The following ITGB5 variants were observed in gnomAD, a reference collection of about 807,000 sequenced individuals.
The protein encoded by ITGB5 is integrin subunit beta 5.
In ITGB5, 38 loss-of-function variants were observed where a neutral mutation model predicts 84.8. That is an observed-to-expected ratio of 0.45 (90% CI 0.35 to 0.59). ITGB5 has a LOEUF of 0.59. Ranked by LOEUF, ITGB5 falls within the 20% of genes least tolerant of loss-of-function variation. ITGB5 has a pLI of 0.01. For synonymous variants in ITGB5, 393 were observed against 414.4 expected (o/e 0.95, Z 0.63); for missense variants, 905 against 1,034.5 (o/e 0.87, Z 1.72).
chr3:124,851,637 A>ACG (rs2065157186), intron 3 of ITGB5, among the ~76,000 whole-genome samples: 3 of 151,660 alleles, frequency 2.0e-5, no homozygotes, highest in Admixed American at 6.6e-5. Context: ...ACACACACAC[A>ACG]CACACGCACA....
intron 5 of ITGB5, among the ~76,000 whole-genome samples, chr3:124,839,198 G>A (rs1212020936): frequency 6.6e-6 from 1 of 152,166 alleles, no homozygotes; most frequent in South Asian, 2.1e-4. Flanking sequence ...TCGTGGTGAG[G>A]AATAAAGAGC....
At chr3:124,795,638 A>G (rs951456750) in intron 10 of ITGB5, among the ~76,000 whole-genome samples, 2 of 152,042 alleles carry the variant, frequency 1.3e-5, no homozygotes, top group African/African-American at 2.4e-5. Context: ...GGATGGGGAG[A>G]CTTTCCAGGG....
intron 1 of ITGB5, among the ~76,000 whole-genome samples, chr3:124,886,612 G>A (rs957877026): frequency 1.3e-5 from 2 of 152,040 alleles, no homozygotes; most frequent in African/African-American, 2.4e-5. Context: ...CGGGCCCCAA[G>A]GCAGGGCTGG....
chr3:124,828,108 G>A (rs927757566), intron 5 of ITGB5, among the ~76,000 whole-genome samples: 1 of 152,102 alleles, frequency 6.6e-6, no homozygotes, highest in African/African-American at 2.4e-5. Flanking sequence ...ACAGGGACGT[G>A]CGTGAAACTT....
chr3:124,853,094 A>C (rs2065178709), intron 3 of ITGB5, among the ~76,000 whole-genome samples: 1 of 152,162 alleles, frequency 6.6e-6, no homozygotes, highest in African/African-American at 2.4e-5. Context: ...CAAAGTGTTA[A>C]GACAAAGTAG....
chr3:124,791,256 C>G (rs1036234770), intron 10 of ITGB5: 2 of 152,240 alleles, frequency 1.3e-5, no homozygotes, highest in Non-Finnish European at 2.9e-5. Context: ...CTCGCACACA[C>G]AGAAACAGTC....
At chr3:124,797,774 G>T (rs1434741818) in intron 9 of ITGB5, among the ~76,000 whole-genome samples, 1 of 152,092 alleles carries the variant, frequency 6.6e-6, no homozygotes. Flanking sequence ...CACCCATCAG[G>T]GCCCTGAGAG....
chr3:124,831,034 T>C (rs536060034), intron 5 of ITGB5, among the ~76,000 whole-genome samples: 2 of 152,220 alleles, frequency 1.3e-5, no homozygotes, highest in South Asian at 4.2e-4. Context: ...CTTCCTTACA[T>C]TGGACTCCAA....
chr3:124,817,159 C>T lies in ITGB5; in HGVS notation c.1128+462G>A, dbSNP rs570430767. Among the ~76,000 whole-genome samples, 350 of 152,344 alleles carry T rather than the reference C, an allele frequency of 2.3e-3. 1 individual carries two copies. The highest frequency in any genetic ancestry group is 8.1e-3 in the African/African-American group (337 of 41,576). ...GAGCTCCATGAGCCTGAGGGATTCC[C>T]GCCCTGCCACTGTGAGGTGAGCTCA... On this transcript the variant is annotated intron_variant, in intron 8 of 14. Transcript: ENST00000296181.
upstream of ITGB5, among the ~76,000 whole-genome samples, chr3:124,890,514 T>A (rs1934979921): frequency 6.6e-6 from 1 of 152,202 alleles, no homozygotes; most frequent in African/African-American, 2.4e-5. Context: ...TAGCATTCTT[T>A]AAGCCTAGGC....
chr3:124,817,590 G>A (rs1311771749), intron 8 of ITGB5, 31 bp downstream of exon 8: 2 of 1,208,926 alleles, frequency 1.7e-6, no homozygotes, highest in South Asian at 2.7e-5. Flanking sequence ...TGGAAGGGAG[G>A]TGGCAGTGGG....
At chr3:124,771,748 C>CCAAAAAAAAAAAA (rs2063847230) in intron 11 of ITGB5, among the ~76,000 whole-genome samples, 1 of 69,156 alleles carries the variant, frequency 1.4e-5, no homozygotes, top group East Asian at 4.5e-4. Flanking sequence ...GACCCTGTCT[C>CCAAAAAAAAAAAA]AAAAAAAAAA....
Position 124,814,364 on chromosome 3 carries a change from C to T in ITGB5, c.1128+3257G>A, listed in dbSNP as rs764290781. Among the ~76,000 whole-genome samples, 10 of 151,590 alleles carry T rather than the reference C, an allele frequency of 6.6e-5. No homozygotes were observed. The East Asian group carries it at 9.7e-4, about 15-fold the overall frequency. On this transcript the variant is annotated intron_variant, in intron 8 of 14. Coordinates refer to ENST00000296181, the MANE Select transcript of ITGB5 (RefSeq NM_002213.5). ...AACATGTTCAGTATCTCTATGGTGG[C>T]GACGGTTTCACAGGTGTATACCTGT...
intron 5 of ITGB5, among the ~76,000 whole-genome samples, chr3:124,838,633 G>A (rs576229238): frequency 2.1e-4 from 31 of 150,922 alleles, no homozygotes; most frequent in African/African-American, 7.5e-4. Context: ...ACAGAGTCTT[G>A]CTCTGTTGCC....
At chr3:124,765,105 T>C (rs3821536) in intron 13 of ITGB5, among the ~76,000 whole-genome samples, 22,318 of 152,248 alleles carry the variant, frequency 0.15, 1,938 homozygotes, top group Admixed American at 0.24. Context: ...TCTCTGCCTC[T>C]GGCCTCAGGA....
intron 10 of ITGB5, among the ~76,000 whole-genome samples, chr3:124,795,438 G>A (rs1437519405): frequency 6.6e-6 from 1 of 151,720 alleles, no homozygotes; most frequent in Non-Finnish European, 1.5e-5. Context: ...GCAGTGAGTC[G>A]AGATCCTGCC....
intron 5 of ITGB5, among the ~76,000 whole-genome samples, chr3:124,830,986 A>G (rs2064851526): frequency 6.6e-6 from 1 of 151,848 alleles, no homozygotes; most frequent in African/African-American, 2.4e-5. Flanking sequence ...TCCATCTCAA[A>G]CGAACAACAA....
At chr3:124,787,909 CTTTT>C (rs35730935) in intron 10 of ITGB5, among the ~76,000 whole-genome samples, 1 of 137,686 alleles carries the variant, frequency 7.3e-6, no homozygotes, top group Admixed American at 7.4e-5. Flanking sequence ...ACAGATAGCT[CTTTT>C]TTTTTTTTTT....
chr3:124,868,618 C>CAAAAAAA (rs67873873), intron 2 of ITGB5, among the ~76,000 whole-genome samples: 30 of 68,138 alleles, frequency 4.4e-4, no homozygotes, highest in South Asian at 2.0e-3. Context: ...TGTTCTCTAC[C>CAAAAAAA]AAAAAAAAAA....
Sources: allele counts gnomAD v4.1 joint callset (sites outside exome capture counted in the v4.1 genomes callset), GRCh38; gene constraint gnomAD v4.1.1; transcripts MANE v1.5; gene names NCBI Gene and HGNC (gene_info 2026-07-23, HGNC 2026-07-21).